The following CD2AP variants were observed in gnomAD, a reference collection of about 807,000 sequenced individuals.
CD2AP encodes the protein CD2-associated protein.
CD2AP carries 46 observed loss-of-function variants against 85.1 expected under a neutral mutation model. The observed-to-expected ratio is 0.54, with a 90% confidence interval of 0.43 to 0.69. The LOEUF (loss-of-function observed/expected upper bound fraction) is 0.69. Ranked by LOEUF, CD2AP falls within the 30% of genes least tolerant of loss-of-function variation. The pLI is 0.00. For synonymous variants in CD2AP, 255 were observed against 252.9 expected (o/e 1.01, Z -0.08); for missense variants, 769 against 729.5 (o/e 1.05, Z -0.62).
At chr6:47,599,520 C>T (rs994755649) in intron 13 of CD2AP, 77 bp downstream of exon 13, 16 of 1,304,114 alleles carry the variant, frequency 1.2e-5, no homozygotes, top group Admixed American at 7.9e-5. Flanking sequence ...TATATTTATG[C>T]AATTTGTGTG....
intron 13 of CD2AP, among the ~76,000 whole-genome samples, chr6:47,603,245 A>G (rs975557640): frequency 2.6e-5 from 4 of 152,108 alleles, no homozygotes; most frequent in African/African-American, 9.7e-5. Context: ...TATGTATGAA[A>G]TATTTTAAAG....
At chr6:47,550,135 T>TA (rs1416946153) in intron 4 of CD2AP, among the ~76,000 whole-genome samples, 7 of 152,180 alleles carry the variant, frequency 4.6e-5, no homozygotes, top group African/African-American at 1.7e-4. Context: ...AAAACCCTTC[T>TA]AGACATTGAC....
At chr6:47,486,096 C>T (rs980713481) in intron 1 of CD2AP, among the ~76,000 whole-genome samples, 1 of 152,138 alleles carries the variant, frequency 6.6e-6, no homozygotes, top group Non-Finnish European at 1.5e-5. Context: ...CATCATCAAG[C>T]AAAGAAGCTG....
At chr6:47,605,111 CAG>C (rs1051690454) in intron 13 of CD2AP, among the ~76,000 whole-genome samples, 7 of 151,872 alleles carry the variant, frequency 4.6e-5, no homozygotes, top group East Asian at 1.9e-4. Context: ...AAATATCTGA[CAG>C]AAAGTATTAT....
intron 17 of CD2AP, among the ~76,000 whole-genome samples, chr6:47,621,677 CT>C (rs953193494): frequency 2.0e-5 from 3 of 151,860 alleles, no homozygotes; most frequent in East Asian, 3.9e-4. Flanking sequence ...TGGTCCTGGG[CT>C]TTTTTTTGTT....
At chr6:47,558,746 G>A (rs947668502) in intron 5 of CD2AP, among the ~76,000 whole-genome samples, 15 of 151,970 alleles carry the variant, frequency 9.9e-5, no homozygotes, top group Admixed American at 3.9e-4. Context: ...GAGGATTTTC[G>A]CATTGATGTT....
At chr6:47,602,016 C>A (rs1330149129) in intron 13 of CD2AP, among the ~76,000 whole-genome samples, 1 of 151,898 alleles carries the variant, frequency 6.6e-6, no homozygotes, top group East Asian at 1.9e-4. Context: ...ATTTTTCCTT[C>A]TTTCCTCCCT....
chr6:47,495,801 G>A (rs1765844342), intron 1 of CD2AP, among the ~76,000 whole-genome samples: 1 of 152,094 alleles, frequency 6.6e-6, no homozygotes, highest in Admixed American at 6.6e-5. Flanking sequence ...AAATTTGTTT[G>A]TTCTTTCTCC....
intron 13 of CD2AP, among the ~76,000 whole-genome samples, chr6:47,600,379 C>A (rs547848072): frequency 6.6e-6 from 1 of 152,060 alleles, no homozygotes; most frequent in East Asian, 1.9e-4. Context: ...AGGGCAGTTA[C>A]ACTTAGATGT....
chr6:47,551,968 C>T (rs1306312419), intron 4 of CD2AP, among the ~76,000 whole-genome samples: 1 of 151,968 alleles, frequency 6.6e-6, no homozygotes, highest in African/African-American at 2.4e-5. Context: ...TTGCCCTTTA[C>T]AAACTAGCAT....
chr6:47,483,320 G>T (rs1418592011), intron 1 of CD2AP, among the ~76,000 whole-genome samples: 1 of 152,136 alleles, frequency 6.6e-6, no homozygotes, highest in African/African-American at 2.4e-5. Flanking sequence ...GATATGTTTG[G>T]CAAAGTGCAG....
chr6:47,539,443 GGT>G (rs1767147090), intron 3 of CD2AP, among the ~76,000 whole-genome samples: 1 of 152,228 alleles, frequency 6.6e-6, no homozygotes, highest in Middle Eastern at 3.4e-3. Context: ...GCAAGTATAT[GGT>G]ATTTTTGAGG....
intron 17 of CD2AP, among the ~76,000 whole-genome samples, chr6:47,616,452 A>C (rs1769588984): frequency 6.6e-6 from 1 of 152,154 alleles, no homozygotes; most frequent in Admixed American, 6.6e-5. Flanking sequence ...TCGGTACTAA[A>C]TTATACTGTG....
rs368991423 is a variant in CD2AP at position 47,562,826 on chromosome 6, G to T, written c.541+8060G>T. The T allele has an allele frequency of 9.8e-6, 11 of 1,126,054 alleles. No individual in the cohort carries two copies. In the African/African-American group the frequency reaches 1.5e-4, roughly 16 times the overall value. 69.8% of individuals were successfully genotyped at this position (1,126,054 alleles called of 1,614,324 possible). ...TATGTCAAGTTGGTGGAGGCCCTTG[G>T]TGCTGAACACCAAATCAACCTAATG... On this transcript the variant is annotated intron_variant, in intron 5 of 17. Transcript: ENST00000359314.
chr6:47,578,801 C>T (rs968628136), intron 8 of CD2AP, among the ~76,000 whole-genome samples: 6 of 151,728 alleles, frequency 4.0e-5, no homozygotes, highest in African/African-American at 1.2e-4. Flanking sequence ...GGACTACAGG[C>T]GCCTGTCACG....
At position 47,612,521 on chromosome 6, in the gene CD2AP, G is replaced by A; in HGVS notation, c.1863G>A (p.Met621Ile). ...LRKDLEEEKT[M>I]RSNLEMEIEK... ...AAGATTTGGAAGAAGAGAAGACAAT[G>A]AGAAGTAATCTAGAGGTAATTAATT... Residue 621 changes from methionine to isoleucine, a missense_variant, in exon 17 of 18, where the codon ATG (methionine) becomes ATA (isoleucine). By Grantham distance (10) the Met-to-Ile change is conservative (BLOSUM62 1). Transcript: ENST00000359314. The A allele has an allele frequency of 6.2e-7, 1 of 1,607,420 alleles. No individual in the cohort carries two copies. The highest frequency in any genetic ancestry group is 1.1e-5 in the South Asian group (1 of 90,882).
intron 5 of CD2AP, among the ~76,000 whole-genome samples, chr6:47,568,041 C>T (rs1190312754): frequency 6.6e-6 from 1 of 151,968 alleles, no homozygotes; most frequent in African/African-American, 2.4e-5. Flanking sequence ...AGAATAGGAT[C>T]TATATAAGTG....
chr6:47,523,330 G>A (rs906145661), intron 2 of CD2AP, among the ~76,000 whole-genome samples: 6 of 152,132 alleles, frequency 3.9e-5, no homozygotes, highest in African/African-American at 1.4e-4. Flanking sequence ...AATGAAAATG[G>A]TAGATGTTAA....
chr6:47,575,672 G>A (rs897347148), intron 6 of CD2AP, among the ~76,000 whole-genome samples: 1 of 152,122 alleles, frequency 6.6e-6, no homozygotes, highest in Admixed American at 6.5e-5. Context: ...AAGGTTAAAT[G>A]TACTGTTGTT....
Sources: gnomAD v4.1 joint callset for allele counts (sites outside exome capture counted in the v4.1 genomes callset) on GRCh38, gnomAD v4.1.1 for gene constraint, MANE v1.5 for transcripts, NCBI Gene and HGNC (gene_info 2026-07-23, HGNC 2026-07-21) for gene names.